The following FADS6 variants were observed in gnomAD, a reference collection of about 807,000 sequenced individuals.
FADS6 encodes fatty acid desaturase 6.
In FADS6, 28 loss-of-function variants were observed where a neutral mutation model predicts 31.7. The observed-to-expected ratio is 0.88, with a 90% CI of 0.66 to 1.21. FADS6 has a LOEUF of 1.21. Among genes scored for constraint, FADS6 ranks in the 50% most tolerant of loss-of-function variants. FADS6 has a pLI of 0.00. For synonymous variants in FADS6, 191 were observed against 213.1 expected (o/e 0.90, Z 0.90); for missense variants, 494 against 504.2 (o/e 0.98, Z 0.19).
At position 74,893,578 on chromosome 17, in the gene FADS6, C is replaced by CTCCGTAGGTTCCATG. The variant is rs2038719752; in HGVS notation, c.17_18insCATGGAACCTACGGA (p.Met7_Glu11dup). On this transcript the variant is annotated inframe_insertion, in exon 1 of 6. Coordinates refer to ENST00000612771, the MANE Select transcript of FADS6 (RefSeq NM_178128.6). ...GTTCCATGGGCTCCGTAGGTTCCATCGGCTCCGTGGGTTCCATGGACTCTG... is the reference window on the plus strand; with the variant it reads ...GTTCCATGGGCTCCGTAGGTTCCATCTCCGTAGGTTCCATGGGCTCCGTGGGTTCCATGGACTCTG... 81 of 1,018,460 alleles carry CTCCGTAGGTTCCATG rather than the reference C, an allele frequency of 8.0e-5. No individual in the cohort carries two copies. The highest frequency in any genetic ancestry group is 6.2e-4 in the African/African-American group (13 of 20,996). The allele number at this position is 1,018,460 out of a possible 1,614,324, so 63.1% of individuals were successfully genotyped here.
At position 74,877,994 on chromosome 17, in the gene FADS6, C is replaced by T; in HGVS notation, c.*337G>A. Reference sequence around the variant, plus strand: ...GTGGCCCCTGCACAGGATCCCTCTTCACCCTGTCACCTCCCTTTAACCCTA... The same window carrying T: ...GTGGCCCCTGCACAGGATCCCTCTTTACCCTGTCACCTCCCTTTAACCCTA... On this transcript the variant is annotated 3_prime_UTR_variant, in exon 6 of 6. Coordinates refer to ENST00000612771, the MANE Select transcript of FADS6 (RefSeq NM_178128.6). 1 of 1,061,214 alleles carries T rather than the reference C, an allele frequency of 9.4e-7. No homozygotes were observed. The allele number at this position is 1,061,214 out of a possible 1,614,324, so 65.7% of individuals were successfully genotyped here.
chr17:74,891,588 T>G (rs2038689598), intron 2 of FADS6, among the ~76,000 whole-genome samples: 1 of 152,064 alleles, frequency 6.6e-6, no homozygotes, highest in Admixed American at 6.6e-5. Context: ...GCCTGTCAGT[T>G]CCTCTTGTCT....
rs1282204102 is a variant in FADS6 at position 74,893,337 on chromosome 17, C to A, written c.244+15G>T. ...CCGCAGCCCGGCCGGGACGCCGGGTCCCCGCGTTCCTCACCTGCCGGCAAG... is the reference window on the plus strand; with the variant it reads ...CCGCAGCCCGGCCGGGACGCCGGGTACCCGCGTTCCTCACCTGCCGGCAAG... On this transcript the variant is annotated intron_variant, in intron 1 of 5. Transcript: ENST00000612771. The A allele has an allele frequency of 4.4e-5, 67 of 1,508,444 alleles. No homozygotes were observed. Among genetic ancestry groups the A allele is most frequent in the Non-Finnish European group, 5.7e-5 (65 of 1,135,008 alleles). 93.4% of individuals were successfully genotyped at this position (1,508,444 alleles called of 1,614,324 possible). A position where few individuals can be genotyped will look rare whatever the true frequency, so the allele number is the denominator to read the frequency against.
chr17:74,888,146 ACACACACACGCGCGCGCGCG>A (rs2038646088), intron 2 of FADS6, among the ~76,000 whole-genome samples: 1 of 113,596 alleles, frequency 8.8e-6, no homozygotes, highest in African/African-American at 4.0e-5. Flanking sequence ...ACACACACAC[ACACACACACGCGCGCGCGCG>A]CGCGCGCAGA....
downstream of FADS6, among the ~76,000 whole-genome samples, chr17:74,874,979 G>A (rs1210608652): frequency 3.9e-5 from 6 of 152,160 alleles, no homozygotes; most frequent in South Asian, 2.1e-4. Flanking sequence ...TAAGCTCCAT[G>A]AGGATGGGGA....
chr17:74,887,818 T>C (rs1192849048), intron 2 of FADS6, among the ~76,000 whole-genome samples: 1 of 152,218 alleles, frequency 6.6e-6, no homozygotes, highest in Non-Finnish European at 1.5e-5. Flanking sequence ...CCTGAGTAGC[T>C]GGGACTACAG....
chr17:74,887,961 C>T (rs1470333851), intron 2 of FADS6, among the ~76,000 whole-genome samples: 2 of 152,190 alleles, frequency 1.3e-5, no homozygotes, highest in Admixed American at 6.5e-5. Flanking sequence ...GCTGGGATTA[C>T]AGGCGTGAGC....
intron 4 of FADS6, 115 bp from the exon 5 acceptor site, chr17:74,879,698 G>C (rs923033367): frequency 8.9e-7 from 1 of 1,122,088 alleles, no homozygotes; most frequent in Non-Finnish European, 1.2e-6. Context: ...CCCATGTGGG[G>C]GGACCTGGTA....
chr17:74,877,146 A>G (rs900161472), downstream of FADS6, among the ~76,000 whole-genome samples: 1 of 151,356 alleles, frequency 6.6e-6, no homozygotes, highest in Admixed American at 6.6e-5. Flanking sequence ...CTCTGAGGTC[A>G]TCCGTCCTCC....
At chr17:74,882,092 C>T (rs184709453) in intron 3 of FADS6, among the ~76,000 whole-genome samples, 18 of 152,158 alleles carry the variant, frequency 1.2e-4, no homozygotes, top group African/African-American at 3.4e-4. Flanking sequence ...CCCACCACCA[C>T]GCCCAGCTAA....
At position 74,878,199 on chromosome 17, in the gene FADS6, C is replaced by T. The variant is rs1440058626; in HGVS notation, c.*132G>A. 4 of 1,442,612 alleles carry T rather than the reference C, an allele frequency of 2.8e-6. No homozygotes were observed. Among genetic ancestry groups the T allele is most frequent in the Non-Finnish European group, 3.6e-6 (4 of 1,101,854 alleles). The allele number at this position is 1,442,612 out of a possible 1,614,324, so 89.4% of individuals were successfully genotyped here. The stretch of plus-strand genomic sequence containing the variant: ...GACCCCAGGCCTGAGCTCCCCTGCC[C>T]CCCTGCCTGGCCGGTGCCTCCACTC... On this transcript the variant is annotated 3_prime_UTR_variant, in exon 6 of 6. Transcript: ENST00000612771.
intron 2 of FADS6, among the ~76,000 whole-genome samples, chr17:74,884,543 A>C (rs1252159229): frequency 6.6e-6 from 1 of 152,190 alleles, no homozygotes; most frequent in Non-Finnish European, 1.5e-5. Context: ...CAGGCTGCAC[A>C]GGAAGCTTGG....
At chr17:74,878,547 A>T in intron 5 of FADS6, 70 bp from the exon 6 acceptor site, 1 of 1,553,280 alleles carries the variant, frequency 6.4e-7, no homozygotes, top group South Asian at 1.2e-5. Flanking sequence ...CCGTCAGGGG[A>T]GGGAGGGACA....
chr17:74,887,357 A>ATC (rs1177146131), intron 2 of FADS6, among the ~76,000 whole-genome samples: 1 of 152,100 alleles, frequency 6.6e-6, no homozygotes, highest in East Asian at 1.9e-4. Context: ...GGTGGTGGGA[A>ATC]CCACTGGGCC....
At chr17:74,882,306 C>T (rs749419603) in intron 3 of FADS6, among the ~76,000 whole-genome samples, 4 of 152,194 alleles carry the variant, frequency 2.6e-5, no homozygotes, top group African/African-American at 4.8e-5. Context: ...GTACAGGACC[C>T]GAGGCTCAGA....
At chr17:74,893,303 C>T (rs1298922912) in intron 1 of FADS6, 49 bp downstream of exon 1, 6 of 1,475,130 alleles carry the variant, frequency 4.1e-6, no homozygotes, top group Non-Finnish European at 5.3e-6. Flanking sequence ...CGCCGCACCC[C>T]GCCCCCACCC....
At chr17:74,878,834 T>G (rs927596266) in intron 5 of FADS6, among the ~76,000 whole-genome samples, 4 of 152,180 alleles carry the variant, frequency 2.6e-5, no homozygotes, top group Non-Finnish European at 5.9e-5. Flanking sequence ...TCTACTCCCA[T>G]TTTACAGAAG....
chr17:74,874,870 C>T (rs1323141760), downstream of FADS6, among the ~76,000 whole-genome samples: 1 of 152,138 alleles, frequency 6.6e-6, no homozygotes, highest in African/African-American at 2.4e-5. Context: ...GCTTTGATGG[C>T]ACAATTGAGT....
intron 3 of FADS6, 64 bp from the exon 4 acceptor site, chr17:74,881,319 A>C: frequency 2.1e-6 from 3 of 1,453,894 alleles, no homozygotes; most frequent in Non-Finnish European, 2.8e-6. Flanking sequence ...TGCTGGCTCA[A>C]GCGTGCTAAA....
Sources: allele counts gnomAD v4.1 joint callset (sites outside exome capture counted in the v4.1 genomes callset), GRCh38; gene constraint gnomAD v4.1.1; transcripts MANE v1.5; gene names NCBI Gene and HGNC (gene_info 2026-07-23, HGNC 2026-07-21).